Variants in BPTF observed in about 807,000 individuals in gnomAD.
The protein encoded by BPTF is bromodomain PHD finger transcription factor.
Under a neutral mutation model 292.5 loss-of-function variants are expected in BPTF, and 18 were observed. That is an observed-to-expected ratio of 0.06 (90% CI 0.04 to 0.09). The LOEUF (loss-of-function observed/expected upper bound fraction) is 0.09. BPTF is among the 10% of genes least tolerant of loss of function. BPTF has a pLI of 1.00. For synonymous variants in BPTF, 1,225 were observed against 1,251.9 expected (o/e 0.98, Z 0.45); for missense variants, 2,726 against 3,498.7 (o/e 0.78, Z 5.57).
At chr17:67,856,045 C>T (rs1446258185) in intron 2 of BPTF, among the ~76,000 whole-genome samples, 1 of 152,186 alleles carries the variant, frequency 6.6e-6, no homozygotes, top group Non-Finnish European at 1.5e-5. Flanking sequence ...ATTCTGAGAA[C>T]TTCTCTTGAC....
In BPTF at chr17:67,912,720, T is replaced by C; in HGVS notation, c.4836T>C (p.Thr1612=). Residue 1612 remains threonine (T), a synonymous_variant, in exon 11 of 28, where the codon ACT becomes ACC. Coordinates refer to ENST00000306378, the MANE Select transcript of BPTF (RefSeq NM_182641.4). ...AGGTAGAAAAAGGCGATAAGCAAACTGTGGTTTCTTCCACAGAAAATTGTG... is the reference window on the plus strand; with the variant it reads ...AGGTAGAAAAAGGCGATAAGCAAACCGTGGTTTCTTCCACAGAAAATTGTG... ...VIKVEKGDKQ[T]VVSSTENCAK... is the part of the protein sequence containing the mutation. The C allele has an allele frequency of 6.2e-7, 1 of 1,614,034 alleles. No individual in the cohort carries two copies. Among genetic ancestry groups the C allele is most frequent in the Admixed American group, 1.7e-5 (1 of 60,028 alleles).
chr17:67,868,470 T>C (rs909694324), intron 3 of BPTF, among the ~76,000 whole-genome samples: 6 of 152,364 alleles, frequency 3.9e-5, no homozygotes, highest in African/African-American at 1.2e-4. Flanking sequence ...ATATGAAAAG[T>C]TGGCATTCCA....
In BPTF at chr17:67,826,578, TCTC is replaced by T. The variant is rs2056068952; in HGVS notation, c.613+243_613+245del. Among the ~76,000 whole-genome samples, 10 of 58,848 alleles carry T rather than the reference TCTC, an allele frequency of 1.7e-4. No homozygotes were observed. In the South Asian group the frequency reaches 6.5e-3, roughly 38 times the overall value. 38.6% of individuals were successfully genotyped at this position (58,848 alleles called of 152,430 possible). A position where few individuals can be genotyped will look rare whatever the true frequency, so the allele number is the denominator to read the frequency against. ...TTGCAGGCCACACTCGCTCGCTCTCTCTCCCCCCCCCAACCCCCTTTTTTTCCT... is the reference window on the plus strand; with the variant it reads ...TTGCAGGCCACACTCGCTCGCTCTCTCCCCCCCCAACCCCCTTTTTTTCCT... On this transcript the variant is annotated intron_variant, in intron 1 of 27. Coordinates refer to ENST00000306378, the MANE Select transcript of BPTF (RefSeq NM_182641.4).
At chr17:67,906,870 G>T (rs1333045211) in intron 9 of BPTF, among the ~76,000 whole-genome samples, 1 of 152,096 alleles carries the variant, frequency 6.6e-6, no homozygotes, top group Non-Finnish European at 1.5e-5. Flanking sequence ...GGGATATTTA[G>T]GTTCAAGTGA....
chr17:67,921,338 A>G (rs1280745429), intron 13 of BPTF, among the ~76,000 whole-genome samples: 1 of 151,940 alleles, frequency 6.6e-6, no homozygotes, highest in African/African-American at 2.4e-5. Context: ...CAGCCTGGCC[A>G]ACATAGCAAA....
intron 1 of BPTF, among the ~76,000 whole-genome samples, chr17:67,832,340 A>G (rs1428843413): frequency 2.0e-5 from 3 of 151,970 alleles, no homozygotes; most frequent in Admixed American, 2.0e-4. Context: ...GCACGTAAAT[A>G]TAATTATAAT....
At chr17:67,943,001 T>G (rs2065504680) in intron 19 of BPTF, among the ~76,000 whole-genome samples, 1 of 152,188 alleles carries the variant, frequency 6.6e-6, no homozygotes, top group Non-Finnish European at 1.5e-5. Context: ...TTGTGAATAT[T>G]GCTCCTGAGT....
chr17:67,851,537 A>G (rs2144879480), intron 1 of BPTF, among the ~76,000 whole-genome samples: 1 of 152,366 alleles, frequency 6.6e-6, no homozygotes, highest in South Asian at 2.1e-4. Context: ...GAAAGAGAAT[A>G]GAATAGAAAA....
intron 4 of BPTF, among the ~76,000 whole-genome samples, chr17:67,884,677 A>G (rs2060638602): frequency 6.6e-6 from 1 of 152,028 alleles, no homozygotes; most frequent in African/African-American, 2.4e-5. Flanking sequence ...CAACCTCCCA[A>G]ATTGCTGGGA....
chr17:67,887,606 C>CCTAA (rs1465974830), intron 4 of BPTF, among the ~76,000 whole-genome samples: 1 of 152,106 alleles, frequency 6.6e-6, no homozygotes. Context: ...AGTTGGAAAT[C>CCTAA]TGTTTTAATT....
At chr17:67,841,366 G>A (rs144470906) in intron 1 of BPTF, among the ~76,000 whole-genome samples, 4,595 of 152,092 alleles carry the variant, frequency 0.03, 254 homozygotes, top group African/African-American at 0.1. Flanking sequence ...TCGAGATTGC[G>A]CCATTGCACT....
At chr17:67,836,945 C>T (rs1231467178) in intron 1 of BPTF, among the ~76,000 whole-genome samples, 17 of 152,118 alleles carry the variant, frequency 1.1e-4, no homozygotes, top group Admixed American at 1.1e-3. Context: ...GATTTCTGAT[C>T]CTCTGTAAAC....
chr17:67,933,059 C>G (rs1287722599), intron 18 of BPTF, among the ~76,000 whole-genome samples: 1 of 151,996 alleles, frequency 6.6e-6, no homozygotes, highest in Non-Finnish European at 1.5e-5. Context: ...TTGAGACCAT[C>G]CTGGCCAACA....
At chr17:67,933,218 A>G (rs890003161) in intron 18 of BPTF, among the ~76,000 whole-genome samples, 4 of 151,486 alleles carry the variant, frequency 2.6e-5, no homozygotes, top group Non-Finnish European at 4.4e-5. Flanking sequence ...AGATTGTGCC[A>G]CTGTACTCCA....
At chr17:67,892,152 T>A in intron 5 of BPTF, 118 bp downstream of exon 5, 1 of 797,920 alleles carries the variant, frequency 1.3e-6, no homozygotes, top group Admixed American at 3.6e-5. Flanking sequence ...TTGAATTATA[T>A]TTTCTCTGTT....
intron 11 of BPTF, among the ~76,000 whole-genome samples, chr17:67,914,734 A>G (rs539784194): frequency 5.9e-5 from 9 of 152,276 alleles, no homozygotes; most frequent in African/African-American, 2.2e-4. Flanking sequence ...ACTGGTCCCA[A>G]TCAAGTGTTG....
At chr17:67,939,958 A>G (rs950417340) in intron 18 of BPTF, among the ~76,000 whole-genome samples, 4 of 152,236 alleles carry the variant, frequency 2.6e-5, no homozygotes, top group Admixed American at 2.6e-4. Context: ...GGCTCTCCCA[A>G]GCTATCTGTC....
At chr17:67,910,846 T>C (rs377205071) in intron 10 of BPTF, 31 bp from the exon 11 acceptor site, 46 of 1,430,598 alleles carry the variant, frequency 3.2e-5, no homozygotes, top group Middle Eastern at 3.7e-4. Context: ...AGAGTAAAAA[T>C]TACATTTATA....
intron 9 of BPTF, among the ~76,000 whole-genome samples, chr17:67,907,037 T>G (rs1240606789): frequency 1.3e-5 from 2 of 151,748 alleles, no homozygotes; most frequent in African/African-American, 4.8e-5. Context: ...ATGCAAAAAT[T>G]AGCCAGACAT....
Sources: gnomAD v4.1 joint callset for allele counts (sites outside exome capture counted in the v4.1 genomes callset) on GRCh38, gnomAD v4.1.1 for gene constraint, MANE v1.5 for transcripts, NCBI Gene and HGNC (gene_info 2026-07-23, HGNC 2026-07-21) for gene names.